Variants in MAN2A1 observed in about 807,000 individuals in gnomAD.
The protein encoded by MAN2A1 is mannosidase alpha class 2A member 1.
MAN2A1 carries 76 observed loss-of-function variants against 142.6 expected under a neutral mutation model. That is an observed-to-expected ratio of 0.53 (90% CI 0.44 to 0.65). The LOEUF is 0.65. Among genes scored for constraint, MAN2A1 ranks in the 30% least tolerant of loss-of-function variants. The pLI, the probability that MAN2A1 is intolerant of heterozygous loss-of-function variation, is 0.00. For missense variants in MAN2A1, 1,311 were observed against 1,365.1 expected (o/e 0.96, Z 0.62); for synonymous variants, 559 against 473.2 (o/e 1.18, Z -2.35).
rs1323788119 is a variant in MAN2A1 at position 109,690,052 on chromosome 5, T to A, written c.-366T>A. The A allele has an allele frequency of 8.9e-6, 2 of 225,250 alleles. No homozygotes were observed. Among genetic ancestry groups the A allele is most frequent in the African/African-American group, 4.7e-5 (2 of 42,328 alleles). 14.0% of individuals were successfully genotyped at this position (225,250 alleles called of 1,614,324 possible). A position where few individuals can be genotyped will look rare whatever the true frequency, so the allele number is the denominator to read the frequency against. ...AGAAAACTTTTCCTGCCGACTCAGTTGGGGCGGCGGTGGCAGGAAGTGCGG... is the reference window on the plus strand; with the variant it reads ...AGAAAACTTTTCCTGCCGACTCAGTAGGGGCGGCGGTGGCAGGAAGTGCGG... On this transcript the variant is annotated 5_prime_UTR_variant, in exon 1 of 22. Transcript: ENST00000261483.
intron 6 of MAN2A1, among the ~76,000 whole-genome samples, chr5:109,768,413 G>A (rs1753052734): frequency 6.6e-6 from 1 of 151,758 alleles, no homozygotes; most frequent in South Asian, 2.1e-4. Flanking sequence ...CTTTTTTTAT[G>A]GTGAAGCAAT....
In MAN2A1 at chr5:109,819,438, GTTA is replaced by G. The variant is rs1488643458; in HGVS notation, c.2110-226_2110-224del. 1.8e-4 allele frequency among the ~76,000 whole-genome samples: 27 copies of G among 151,740 alleles called. 1 individual carries two copies. The South Asian group carries it at 1.9e-3, about 11-fold the overall frequency. On this transcript the variant is annotated intron_variant, in intron 13 of 21. Transcript: ENST00000261483. ...ATACAATGTAAATGCTATGTAAATA[GTTA>G]TTATACTATAGTTTTTATTTGTATT...
chr5:109,811,703 G>A (rs1266592338), intron 12 of MAN2A1, among the ~76,000 whole-genome samples: 1 of 151,856 alleles, frequency 6.6e-6, no homozygotes, highest in African/African-American at 2.4e-5. Flanking sequence ...GAACTTACCA[G>A]TTTGTTTCTG....
chr5:109,782,514 A>G (rs962224457), intron 9 of MAN2A1, among the ~76,000 whole-genome samples: 2 of 152,328 alleles, frequency 1.3e-5, no homozygotes, highest in African/African-American at 2.4e-5. Flanking sequence ...AGTTTTCTCT[A>G]TGTATAGACC....
intron 4 of MAN2A1, among the ~76,000 whole-genome samples, chr5:109,734,558 C>A (rs1191013094): frequency 6.6e-6 from 1 of 152,116 alleles, no homozygotes; most frequent in East Asian, 1.9e-4. Context: ...CCCAGAGATT[C>A]TGGTATGTTG....
At chr5:109,847,986 A>T (rs985776703) in intron 19 of MAN2A1, among the ~76,000 whole-genome samples, 196 bp downstream of exon 19, 6 of 152,138 alleles carry the variant, frequency 3.9e-5, no homozygotes, top group Admixed American at 3.3e-4. Flanking sequence ...AGGTCTTTTT[A>T]TTTTTTATGT....
At chr5:109,734,829 G>GA (rs1254533041) in intron 4 of MAN2A1, among the ~76,000 whole-genome samples, 1 of 152,236 alleles carries the variant, frequency 6.6e-6, no homozygotes, top group South Asian at 2.1e-4. Context: ...GTGCGGTGCT[G>GA]AAAAAAATGT....
chr5:109,815,429 A>G (rs916220465), intron 12 of MAN2A1, among the ~76,000 whole-genome samples: 2 of 152,172 alleles, frequency 1.3e-5, no homozygotes, highest in Admixed American at 6.5e-5. Context: ...ATGTGGTTTC[A>G]TCTGTTCATC....
chr5:109,752,060 T>G (rs1219847682), intron 4 of MAN2A1, among the ~76,000 whole-genome samples: 2 of 152,178 alleles, frequency 1.3e-5, no homozygotes, highest in Non-Finnish European at 2.9e-5. Context: ...TTGCACTGTT[T>G]GTGTATTAAT....
At chr5:109,822,520 A>G (rs1420630217) in intron 15 of MAN2A1, among the ~76,000 whole-genome samples, 1 of 152,162 alleles carries the variant, frequency 6.6e-6, no homozygotes, top group Non-Finnish European at 1.5e-5. Context: ...GCAAGAGCCC[A>G]GAACTCATCA....
chr5:109,865,930 G>A (rs1755867679), intron 21 of MAN2A1, among the ~76,000 whole-genome samples: 1 of 152,184 alleles, frequency 6.6e-6, no homozygotes, highest in African/African-American at 2.4e-5. Context: ...GCCTCACCAG[G>A]CAGCTCAGCT....
chr5:109,786,806 G>A (rs908526353), intron 10 of MAN2A1, among the ~76,000 whole-genome samples: 22 of 151,970 alleles, frequency 1.4e-4, no homozygotes, highest in Admixed American at 1.2e-3. Context: ...TGAATTAGGG[G>A]TGCATTTGGC....
At chr5:109,751,248 A>C (rs1296827160) in intron 4 of MAN2A1, among the ~76,000 whole-genome samples, 1 of 151,600 alleles carries the variant, frequency 6.6e-6, no homozygotes. Flanking sequence ...AGAACATAGG[A>C]TATTTGTCTT....
rs973559748 is a variant in MAN2A1, at chr5:109,855,287, T to C, written c.3124T>C (p.Leu1042=). The part of the protein sequence containing the change: ...QGEFSPLQSS[L]PCDIHLVNLR... ...TGAATTCTCTCCATTACAGTCATCT[T>C]TGCCTTGTGACATTCATCTGGTTAA... Residue 1042 remains leucine, a synonymous_variant, in exon 20 of 22, where the codon TTG becomes CTG. Coordinates refer to ENST00000261483, the MANE Select transcript of MAN2A1 (RefSeq NM_002372.4). The C allele has an allele frequency of 8.7e-6, 14 of 1,602,618 alleles. No individual in the cohort carries two copies. The highest frequency in any genetic ancestry group is 1.3e-5 in the African/African-American group (1 of 74,578).
At chr5:109,770,008 G>C (rs1423926743) in intron 6 of MAN2A1, among the ~76,000 whole-genome samples, 1 of 152,166 alleles carries the variant, frequency 6.6e-6, no homozygotes, top group Non-Finnish European at 1.5e-5. Context: ...GTTACGGCAG[G>C]AACTGGCAGC....
chr5:109,828,214 AATTT>A (rs947709541), intron 16 of MAN2A1, among the ~76,000 whole-genome samples: 24 of 152,300 alleles, frequency 1.6e-4, no homozygotes, highest in Admixed American at 3.9e-4. Flanking sequence ...AATGAAATGC[AATTT>A]ATTTCATTTG....
intron 20 of MAN2A1, among the ~76,000 whole-genome samples, chr5:109,862,013 G>A (rs781623507): frequency 3.9e-5 from 6 of 152,164 alleles, no homozygotes; most frequent in Non-Finnish European, 8.8e-5. Flanking sequence ...TTCAAAGGTT[G>A]TTGTGCGATA....
At chr5:109,794,678 C>T (rs557304742) in intron 12 of MAN2A1, among the ~76,000 whole-genome samples, 1 of 152,240 alleles carries the variant, frequency 6.6e-6, no homozygotes, top group African/African-American at 2.4e-5. Flanking sequence ...CTCTTAAACA[C>T]ATAAAAACTA....
chr5:109,729,312 C>A (rs574554244), intron 3 of MAN2A1, 30 bp from the exon 4 acceptor site: 3 of 1,496,426 alleles, frequency 2.0e-6, no homozygotes, highest in East Asian at 2.4e-5. Flanking sequence ...ACGAATTAGA[C>A]CTTTGTGGTA....
Sources: allele counts gnomAD v4.1 joint callset (sites outside exome capture counted in the v4.1 genomes callset), GRCh38; gene constraint gnomAD v4.1.1; transcripts MANE v1.5; gene names NCBI Gene and HGNC (gene_info 2026-07-23, HGNC 2026-07-21).